Variants in ARL13B observed in about 807,000 individuals in gnomAD.
ARL13B encodes the protein ARF like GTPase 13B, also known as ADP-ribosylation factor-like protein 13B.
ARL13B carries 36 observed loss-of-function variants against 56.1 expected under a neutral mutation model. The observed-to-expected ratio is 0.64, with a 90% CI of 0.49 to 0.85. The LOEUF is 0.85. Ranked by LOEUF, ARL13B falls within the 40% of genes least tolerant of loss-of-function variation. The probability of loss-of-function intolerance (pLI) is 0.00; values close to 1 mark genes in which losing one functional copy is unlikely to be tolerated. For synonymous variants in ARL13B, 178 were observed against 171.1 expected, an observed-to-expected ratio of 1.04 and a Z score of -0.32; for missense variants, 519 against 507.1, an observed-to-expected ratio of 1.02 and a Z score of -0.23.
intron 3 of ARL13B, among the ~76,000 whole-genome samples, chr3:94,019,321 C>T (rs531438086): frequency 6.4e-4 from 97 of 152,138 alleles, no homozygotes; most frequent in African/African-American, 1.9e-3. Flanking sequence ...CTCAGCCTCC[C>T]GAGTAGCTGG....
At chr3:94,016,792 G>A (rs1575984256) in intron 3 of ARL13B, among the ~76,000 whole-genome samples, 1 of 151,924 alleles carries the variant, frequency 6.6e-6, no homozygotes, top group Non-Finnish European at 1.5e-5. Flanking sequence ...GATTACAGGT[G>A]CCTGCCACCA....
chr3:94,043,122 C>T lies in ARL13B; in HGVS notation c.906C>T (p.Gly302=), dbSNP rs1183766001. ...KMEHEQIETQ[G]QVNHNGQKNN... ...AGCATGAGCAAATAGAGACACAAGG[C>T]CAGGTTAATCACAATGGCCAAAAAA... The change falls in exon 7 of 10, where the codon GGC becomes GGT. Residue 302 remains glycine, a synonymous_variant. Transcript: ENST00000394222. 4 of 1,613,376 alleles carry T rather than the reference C, an allele frequency of 2.5e-6. No individual in the cohort carries two copies. The highest frequency in any genetic ancestry group is 3.4e-6 in the Non-Finnish European group (4 of 1,179,880).
At chr3:94,013,652 G>T (rs940188413) in intron 3 of ARL13B, among the ~76,000 whole-genome samples, 9 of 152,128 alleles carry the variant, frequency 5.9e-5, no homozygotes, top group African/African-American at 1.7e-4. Flanking sequence ...GAGGATAAAA[G>T]ATTTGATAAA....
chr3:94,029,339 T>TATA (rs149199380), intron 3 of ARL13B, among the ~76,000 whole-genome samples: 6 of 45,692 alleles, frequency 1.3e-4, no homozygotes, highest in African/African-American at 6.2e-4. Flanking sequence ...TATATATTTA[T>TATA]TTTTTTTTTA....
At chr3:94,053,160 T>G in intron 9 of ARL13B, 27 bp from the exon 10 acceptor site, 1 of 1,583,488 alleles carries the variant, frequency 6.3e-7, no homozygotes, top group Non-Finnish European at 8.6e-7. Context: ...AACTGTTTTG[T>G]GCATTTGGTT....
chr3:94,024,583 G>C (rs1267362154), intron 3 of ARL13B, among the ~76,000 whole-genome samples: 1 of 151,958 alleles, frequency 6.6e-6, no homozygotes, highest in Non-Finnish European at 1.5e-5. Flanking sequence ...TTTTTTGGGC[G>C]TGTTGTTTTG....
At chr3:94,017,133 G>A (rs780102717) in intron 3 of ARL13B, among the ~76,000 whole-genome samples, 102 of 152,276 alleles carry the variant, frequency 6.7e-4, no homozygotes, top group Non-Finnish European at 1.3e-3. Context: ...TACCAGACTA[G>A]CATGGAAAGG....
intron 1 of ARL13B, among the ~76,000 whole-genome samples, chr3:93,985,546 A>T (rs1286440037): frequency 6.6e-6 from 1 of 152,232 alleles, no homozygotes; most frequent in African/African-American, 2.4e-5. Context: ...GAAAATATAC[A>T]TGTTATATAA....
chr3:93,980,533 G>A, intron 1 of ARL13B, 51 bp downstream of exon 1: 2 of 1,599,278 alleles, frequency 1.3e-6, no homozygotes, highest in Non-Finnish European at 1.7e-6. Flanking sequence ...AGATGGCTGC[G>A]CCCCAGGGGC....
At chr3:94,053,129 T>C (rs1206410488) in intron 9 of ARL13B, 58 bp from the exon 10 acceptor site, 1 of 1,378,216 alleles carries the variant, frequency 7.3e-7, no homozygotes, top group Non-Finnish European at 1.0e-6. Flanking sequence ...ATGAACTGTG[T>C]CAAAAATCTT....
intron 1 of ARL13B, among the ~76,000 whole-genome samples, chr3:93,993,700 A>G (rs1406849791): frequency 2.0e-5 from 3 of 152,244 alleles, no homozygotes; most frequent in Non-Finnish European, 4.4e-5. Flanking sequence ...TGATAGTTCT[A>G]TGAATTAATT....
At chr3:94,039,042 T>C (rs2076818204) in intron 5 of ARL13B, among the ~76,000 whole-genome samples, 1 of 152,184 alleles carries the variant, frequency 6.6e-6, no homozygotes, top group Non-Finnish European at 1.5e-5. Flanking sequence ...TACTACTCTG[T>C]CATATACTTC....
rs1436314825 is a variant in ARL13B, at chr3:94,014,708, G to A, written c.380+10800G>A. Reference sequence around the variant, plus strand: ...TCATTAAAAACTTCCCATTTTCCTTGATGAAGCATATCATTTACATCTTCT... The same window carrying A: ...TCATTAAAAACTTCCCATTTTCCTTAATGAAGCATATCATTTACATCTTCT... On this transcript the variant is annotated intron_variant, in intron 3 of 9. Transcript: ENST00000394222. 1.9e-6 allele frequency: 3 copies of A among 1,612,642 alleles called. No individual in the cohort carries two copies. The African/African-American group carries it at 4.0e-5, about 22-fold the overall frequency.
At chr3:93,998,784 A>G (rs2076006974) in intron 2 of ARL13B, among the ~76,000 whole-genome samples, 1 of 151,996 alleles carries the variant, frequency 6.6e-6, no homozygotes, top group Admixed American at 6.6e-5. Context: ...TTTTTTCTTC[A>G]GGCTGTAAAT....
Position 94,003,705 on chromosome 3 carries a change from C to T in ARL13B, c.177C>T (p.Asn59=), listed in dbSNP as rs1325511614. ...VAPTVGFSKI[N]LRQGKFEVTI... The stretch of plus-strand genomic sequence containing the variant: ...CTACTGTTGGATTTTCAAAAATTAA[C>T]CTTAGACAAGGAAAGTTTGAAGTCA... The change falls in exon 3 of 10, where the codon AAC becomes AAT. Residue 59 remains asparagine, a synonymous_variant. Transcript: ENST00000394222. The T allele has an allele frequency of 1.2e-6, 2 of 1,613,350 alleles. No homozygotes were observed. Among genetic ancestry groups the T allele is most frequent in the South Asian group, 1.1e-5 (1 of 91,048 alleles).
At position 94,053,809 on chromosome 3, in the gene ARL13B, T is replaced by C; in HGVS notation, c.*546T>C. 1 of 291,946 alleles carries C rather than the reference T, an allele frequency of 3.4e-6. No homozygotes were observed. The highest frequency in any genetic ancestry group is 6.6e-6 in the Non-Finnish European group (1 of 150,896). 18.1% of individuals were successfully genotyped at this position (291,946 alleles called of 1,614,324 possible). A position where few individuals can be genotyped will look rare whatever the true frequency, so the allele number is the denominator to read the frequency against. On this transcript the variant is annotated 3_prime_UTR_variant, in exon 10 of 10. Coordinates refer to ENST00000394222, the MANE Select transcript of ARL13B (RefSeq NM_001174150.2). ...TTAAATTATATCTGGAAAATAGAGT[T>C]GATTTACTTTCAGACATGAACTATA... is the stretch of plus-strand genomic sequence containing the variant.
chr3:93,986,811 A>C (rs1401039305), intron 1 of ARL13B, among the ~76,000 whole-genome samples: 1 of 152,116 alleles, frequency 6.6e-6, no homozygotes, highest in African/African-American at 2.4e-5. Flanking sequence ...TCTACTAAAA[A>C]TACAAAAAAT....
chr3:94,015,367 T>C (rs2076309967), intron 3 of ARL13B: 9 of 1,020,838 alleles, frequency 8.8e-6, no homozygotes, highest in Non-Finnish European at 1.1e-5. Flanking sequence ...ACTGTCTATA[T>C]CCCAGCAAAA....
intron 3 of ARL13B, among the ~76,000 whole-genome samples, chr3:94,011,448 A>T (rs6786905): frequency 3.9e-5 from 6 of 152,142 alleles, no homozygotes; most frequent in African/African-American, 1.4e-4. Flanking sequence ...TCTCCCTTAA[A>T]CCCACTGTGC....
Sources: allele counts gnomAD v4.1 joint callset (sites outside exome capture counted in the v4.1 genomes callset), GRCh38; gene constraint gnomAD v4.1.1; transcripts MANE v1.5; gene names NCBI Gene and HGNC (gene_info 2026-07-23, HGNC 2026-07-21).